The following IFT70B variants were observed in gnomAD, a reference collection of about 807,000 sequenced individuals.
IFT70B encodes the protein intraflagellar transport 70B.
At chr2:177,550,158 C>G in the IFT70B span, 3 of 152,094 alleles carry the variant, frequency 2.0e-5, no homozygotes, top group East Asian at 1.9e-4. Context: ...GAAATTTGTT[C>G]TTTGATAATC....
chr2:177,550,851 C>G, the IFT70B span: 1 of 1,614,090 alleles, frequency 6.2e-7, no homozygotes, highest in East Asian at 2.2e-5. Flanking sequence ...AACATGCATT[C>G]TTTCTTCTTC....
chr2:177,550,884 G>C, the IFT70B span: 1 of 1,614,090 alleles, frequency 6.2e-7, no homozygotes, highest in Non-Finnish European at 8.5e-7. Flanking sequence ...AATAACAGCA[G>C]GTATGTTTCT....
the IFT70B span, chr2:177,550,912 G>T: frequency 6.2e-7 from 1 of 1,614,096 alleles, no homozygotes; most frequent in Admixed American, 1.7e-5. Context: ...AGTTCACAGT[G>T]TTCTAGAAAC....
the IFT70B span, chr2:177,551,068 G>C: frequency 6.2e-7 from 1 of 1,614,108 alleles, no homozygotes; most frequent in South Asian, 1.1e-5. Context: ...TTGATAACTC[G>C]AGAAATACCA....
chr2:177,552,106 G>T, the IFT70B span: 1 of 1,614,218 alleles, frequency 6.2e-7, no homozygotes, highest in South Asian at 1.1e-5. Flanking sequence ...GGGTGCTGGC[G>T]GATGCCACGC....
chr2:177,551,600 C>T, the IFT70B span: 18 of 1,614,094 alleles, frequency 1.1e-5, no homozygotes, highest in Non-Finnish European at 1.5e-5. Flanking sequence ...TCCGGAGGAC[C>T]TCAGTCAGCA....
chr2:177,551,717 C>T, the IFT70B span: 9 of 1,614,194 alleles, frequency 5.6e-6, no homozygotes, highest in Non-Finnish European at 7.6e-6. Flanking sequence ...ACTTATAAAT[C>T]AAATGGGCAT....
chr2:177,551,047 G>T, the IFT70B span: 1 of 1,614,140 alleles, frequency 6.2e-7, no homozygotes, highest in Non-Finnish European at 8.5e-7. Flanking sequence ...TTGTTGTAAG[G>T]TTCCAAGCTT....
the IFT70B span, chr2:177,551,017 A>G: frequency 6.2e-7 from 1 of 1,614,196 alleles, no homozygotes; most frequent in South Asian, 1.1e-5. Flanking sequence ...GCATAATACC[A>G]GGTGTCTGTT....
the IFT70B span, chr2:177,552,760 C>T: frequency 5.8e-6 from 9 of 1,553,980 alleles, no homozygotes; most frequent in Non-Finnish European, 7.0e-6. Flanking sequence ...CTCAGGCCAG[C>T]CATAACCACC....
the IFT70B span, chr2:177,552,078 A>G: frequency 6.2e-7 from 1 of 1,614,244 alleles, no homozygotes; most frequent in Non-Finnish European, 8.5e-7. Context: ...CTCAGTGGTC[A>G]TGCCCACACC....
chr2:177,550,726 C>T, the IFT70B span: 5 of 1,506,744 alleles, frequency 3.3e-6, 1 homozygote, highest in South Asian at 2.7e-5. Flanking sequence ...TGCAAATTTA[C>T]ATAACAAAGC....
the IFT70B span, chr2:177,551,644 CT>C: frequency 1.2e-6 from 2 of 1,614,206 alleles, no homozygotes; most frequent in Non-Finnish European, 1.7e-6. Context: ...ATGAAAGCCT[CT>C]TCAGGAGCTG....
At chr2:177,552,631 G>T in the IFT70B span, 1 of 1,588,384 alleles carries the variant, frequency 6.3e-7, no homozygotes, top group Non-Finnish European at 8.6e-7. Flanking sequence ...AGGCCGGCGC[G>T]GCTCCTAGGG....
the IFT70B span, chr2:177,550,047 G>A: frequency 2.0e-5 from 3 of 152,076 alleles, no homozygotes; most frequent in Non-Finnish European, 4.4e-5. Flanking sequence ...GGATAGCTCT[G>A]TTATTTCTCA....
At chr2:177,550,887 A>C in the IFT70B span, 1 of 1,614,138 alleles carries the variant, frequency 6.2e-7, no homozygotes, top group Non-Finnish European at 8.5e-7. Flanking sequence ...AACAGCAGGT[A>C]TGTTTCTGCC....
At chr2:177,552,215 G>C in the IFT70B span, 1 of 1,614,250 alleles carries the variant, frequency 6.2e-7, no homozygotes, top group South Asian at 1.1e-5. Flanking sequence ...GGTAGCCCGA[G>C]GCCTGCAGGG....
the IFT70B span, chr2:177,550,411 T>A: frequency 5.9e-6 from 1 of 170,066 alleles, no homozygotes; most frequent in Non-Finnish European, 1.2e-5. Context: ...TAAAGACTAC[T>A]CTTAACTATT....
At chr2:177,552,212 C>T in the IFT70B span, 28 of 1,614,098 alleles carry the variant, frequency 1.7e-5, no homozygotes, top group South Asian at 7.7e-5. Flanking sequence ...GCTGGTAGCC[C>T]GAGGCCTGCA....
Sources: allele counts gnomAD v4.1 joint callset, GRCh38; gene constraint gnomAD v4.1.1; transcripts MANE v1.5; gene names NCBI Gene and HGNC (gene_info 2026-07-23, HGNC 2026-07-21).